Variants in CDKL5 observed in about 807,000 individuals in gnomAD.
The protein encoded by CDKL5 is cyclin-dependent kinase-like 5.
A neutral mutation model predicts 61.7 loss-of-function variants in CDKL5; 8 were observed. The observed-to-expected ratio is 0.13, with a 90% CI of 0.08 to 0.23. CDKL5 has a LOEUF of 0.23. Ranked by LOEUF, CDKL5 falls within the 10% of genes least tolerant of loss-of-function variation. The pLI is 1.00. For synonymous variants in CDKL5, 275 were observed against 272.3 expected (o/e 1.01, Z -0.10); for missense variants, 440 against 734.5 (o/e 0.60, Z 4.63).
chrX:18,651,795 C>T (rs922613777), intron 21 of CDKL5, among the ~76,000 whole-genome samples: 1 of 111,870 alleles, frequency 8.9e-6, no homozygotes, highest in Non-Finnish European at 1.9e-5. Context: ...CTGTGTGTGT[C>T]CTGAAGAAGA....
intron 3 of CDKL5, among the ~76,000 whole-genome samples, chrX:18,540,783 G>A (rs1440076209): frequency 1.8e-5 from 2 of 108,357 alleles, no homozygotes; most frequent in Non-Finnish European, 3.8e-5. Flanking sequence ...TGCCTCCCAG[G>A]TTCAAGCGAT....
At chrX:18,647,583 C>A (rs1048365787) in intron 20 of CDKL5, 10 of 387,682 alleles carry the variant, frequency 2.6e-5, no homozygotes, top group African/African-American at 2.5e-4. Flanking sequence ...AGGGAAGTGG[C>A]TCTATGGCAA....
intron 4 of CDKL5, among the ~76,000 whole-genome samples, chrX:18,564,738 C>A (rs1924911544): frequency 9.1e-6 from 1 of 110,427 alleles, no homozygotes; most frequent in Non-Finnish European, 1.9e-5. Context: ...CTTTTCAAAT[C>A]TCATGATATT....
In CDKL5 at chrX:18,653,323, G is replaced by T. The variant is rs1321781905; in HGVS notation, c.2981-109G>T. 3 of 1,151,203 alleles carry T rather than the reference G, an allele frequency of 2.6e-6. No individual in the cohort carries two copies. In the African/African-American group the frequency reaches 5.4e-5, roughly 21 times the overall value. The allele number at this position is 1,151,203 out of a possible 1,213,427, so 94.9% of individuals were successfully genotyped here. ...CATTAAAGTGAAGATTAGGAGGCCA[G>T]AATGCATGTGGCCTTCTGCTCCGTG... On this transcript the variant is annotated intron_variant, in intron 21 of 21. Coordinates refer to the CDKL5 transcript ENST00000379989.
intron 1 of CDKL5, among the ~76,000 whole-genome samples, chrX:18,469,054 T>C (rs1294365029): frequency 9.0e-6 from 1 of 111,097 alleles, no homozygotes; most frequent in Non-Finnish European, 1.9e-5. Context: ...AATCATTGAA[T>C]AGGGCTGGGC....
chrX:18,466,960 G>C (rs1352618268), intron 1 of CDKL5, among the ~76,000 whole-genome samples: 1 of 111,809 alleles, frequency 8.9e-6, no homozygotes, highest in Non-Finnish European at 1.9e-5. Context: ...ACTTCGTTGG[G>C]AGAGAAGTGG....
At position 18,635,169 on chromosome X, in the gene CDKL5, A is replaced by G. The variant is rs968343800; in HGVS notation, c.*6412A>G. 1.3e-6 allele frequency: 1 copy of G among 745,789 alleles called. No homozygotes were observed. Among genetic ancestry groups the G allele is most frequent in the African/African-American group, 2.3e-5 (1 of 42,846 alleles). The allele number at this position is 745,789 out of a possible 1,213,427, so 61.5% of individuals were successfully genotyped here. The stretch of plus-strand genomic sequence containing the variant: ...TATGAACCATTTGTAAAGTGTTTCT[A>G]TAACTCTTTGTATCATGTGTTGGTA... On this transcript the variant is annotated 3_prime_UTR_variant, in exon 18 of 18. Coordinates refer to ENST00000623535, the MANE Select transcript of CDKL5 (RefSeq NM_001323289.2).
chrX:18,501,858 C>T (rs960097704), intron 1 of CDKL5, among the ~76,000 whole-genome samples: 2 of 112,502 alleles, frequency 1.8e-5, no homozygotes, highest in African/African-American at 6.5e-5. Context: ...CACAAATGTT[C>T]TTTACAAATA....
At chrX:18,562,946 C>T (rs1380064231) in intron 3 of CDKL5, among the ~76,000 whole-genome samples, 4 of 111,877 alleles carry the variant, frequency 3.6e-5, no homozygotes, top group African/African-American at 1.3e-4. Flanking sequence ...TATAAATGTG[C>T]CAGTTACAAA....
At chrX:18,488,174 C>G (rs1257282973) in intron 1 of CDKL5, among the ~76,000 whole-genome samples, 3 of 110,525 alleles carry the variant, frequency 2.7e-5, no homozygotes, top group Non-Finnish European at 5.7e-5. Context: ...TGAATTGCAA[C>G]AAAACTTTGA....
At chrX:18,622,770 C>G (rs1277058501) in intron 16 of CDKL5, among the ~76,000 whole-genome samples, 2 of 111,313 alleles carry the variant, frequency 1.8e-5, no homozygotes, top group African/African-American at 6.5e-5. Flanking sequence ...ACCAGAACTG[C>G]GTTCTCCTAA....
At chrX:18,534,049 C>G (rs935475195) in intron 3 of CDKL5, among the ~76,000 whole-genome samples, 1 of 112,151 alleles carries the variant, frequency 8.9e-6, no homozygotes, top group Non-Finnish European at 1.9e-5. Flanking sequence ...CTGAGGGTAG[C>G]CCCTGCTCTG....
chrX:18,571,891 C>T (rs769661718), intron 4 of CDKL5, among the ~76,000 whole-genome samples: 42 of 111,343 alleles, frequency 3.8e-4, no homozygotes, highest in Non-Finnish European at 6.4e-4. Flanking sequence ...GTAGAAAAGC[C>T]TTTATTTCCT....
intron 1 of CDKL5, among the ~76,000 whole-genome samples, chrX:18,445,728 A>G (rs1422526741): frequency 9.0e-6 from 1 of 111,419 alleles, no homozygotes; most frequent in Non-Finnish European, 1.9e-5. Flanking sequence ...CTTGTGGAGA[A>G]GGTGCCTGCT....
chrX:18,435,094 A>C (rs1931582736), intron 1 of CDKL5, among the ~76,000 whole-genome samples: 1 of 111,567 alleles, frequency 9.0e-6, no homozygotes, highest in African/African-American at 3.3e-5. Flanking sequence ...ACCCGGATTT[A>C]CCTGATTACC....
At chrX:18,586,639 T>C (rs1199998117) in intron 8 of CDKL5, among the ~76,000 whole-genome samples, 1 of 112,247 alleles carries the variant, frequency 8.9e-6, no homozygotes, top group Non-Finnish European at 1.9e-5. Context: ...AAAATCCTTT[T>C]GAAATCAGGT....
chrX:18,635,667 G>C lies in CDKL5; in HGVS notation c.*6910G>C. On this transcript the variant is annotated 3_prime_UTR_variant, in exon 18 of 18. Transcript: ENST00000623535. ...GAAAACTTTGGTTTGTTTTATACTT[G>C]AGTGTTGTCACCTTTGCACGTCGCT... 4.1e-6 allele frequency: 3 copies of C among 726,796 alleles called. No homozygotes were observed. Among genetic ancestry groups the C allele is most frequent in the Non-Finnish European group, 4.9e-6 (3 of 614,287 alleles). 59.9% of individuals were successfully genotyped at this position (726,796 alleles called of 1,213,427 possible).
chrX:18,454,370 G>C (rs1952050830), intron 1 of CDKL5, among the ~76,000 whole-genome samples: 1 of 107,976 alleles, frequency 9.3e-6, no homozygotes, highest in African/African-American at 3.4e-5. Flanking sequence ...CCGAGTAGCT[G>C]GGATTACAGG....
At chrX:18,428,739 T>A (rs1456699579) in intron 1 of CDKL5, among the ~76,000 whole-genome samples, 1 of 109,653 alleles carries the variant, frequency 9.1e-6, no homozygotes, top group Non-Finnish European at 1.9e-5. Flanking sequence ...TTTTTTTTTT[T>A]GCAACATCAA....
Sources: allele counts gnomAD v4.1 joint callset (sites outside exome capture counted in the v4.1 genomes callset), GRCh38; gene constraint gnomAD v4.1.1; transcripts MANE v1.5; gene names NCBI Gene and HGNC (gene_info 2026-07-23, HGNC 2026-07-21).